The following FGF12 variants were observed in gnomAD, a reference collection of about 807,000 sequenced individuals.
FGF12 encodes fibroblast growth factor 12B.
Under a neutral mutation model 23.6 loss-of-function variants are expected in FGF12, and 14 were observed. The observed-to-expected ratio is 0.59, with a 90% CI of 0.39 to 0.93. The LOEUF is 0.93. Among genes scored for constraint, FGF12 ranks in the 40% least tolerant of loss-of-function variants. The pLI is 0.00. For synonymous variants in FGF12, 62 were observed against 77.3 expected (o/e 0.80, Z 1.04); for missense variants, 175 against 217.8 (o/e 0.80, Z 1.24).
At chr3:192,484,800 G>A (rs1414656091) in intron 2 of FGF12, among the ~76,000 whole-genome samples, 1 of 152,206 alleles carries the variant, frequency 6.6e-6, no homozygotes, top group Non-Finnish European at 1.5e-5. Flanking sequence ...AGAAAGCCAT[G>A]TGAATGGTGC....
At chr3:192,548,242 A>G (rs1388878480) in intron 2 of FGF12, among the ~76,000 whole-genome samples, 1 of 152,174 alleles carries the variant, frequency 6.6e-6, no homozygotes, top group Non-Finnish European at 1.5e-5. Context: ...ATTGGTGACA[A>G]TAGATAACAT....
At chr3:192,171,366 T>C (rs929007569) in intron 4 of FGF12, among the ~76,000 whole-genome samples, 13 of 150,894 alleles carry the variant, frequency 8.6e-5, no homozygotes, top group Admixed American at 2.0e-4. Flanking sequence ...AACTCCAGCA[T>C]TTGGTAAGTG....
chr3:192,413,760 C>T lies in FGF12; in HGVS notation c.14-53222G>A, dbSNP rs187988876. ...ACAAAGAAGTCTAGCTCTGCTCATA[C>T]ATCATCTTGCTCTGAGATCAGGCCC... On this transcript the variant is annotated intron_variant, in intron 2 of 5. Coordinates refer to ENST00000445105, the MANE Select transcript of FGF12 (RefSeq NM_004113.6). Among the ~76,000 whole-genome samples the T allele has an allele frequency of 1.7e-4, 26 of 152,326 alleles. No individual in the cohort carries two copies. The South Asian group carries it at 2.5e-3, about 15-fold the overall frequency.
intron 2 of FGF12, among the ~76,000 whole-genome samples, chr3:192,649,241 A>G: frequency 6.6e-6 from 1 of 152,136 alleles, no homozygotes; most frequent in African/African-American, 2.4e-5. Context: ...ACAGTAGAGG[A>G]TTGATCGCCA....
At chr3:192,503,025 C>T (rs994805729) in intron 2 of FGF12, among the ~76,000 whole-genome samples, 1 of 152,200 alleles carries the variant, frequency 6.6e-6, no homozygotes, top group Non-Finnish European at 1.5e-5. Context: ...AGGAGAGTGG[C>T]AAAGTTCTTG....
intron 2 of FGF12, among the ~76,000 whole-genome samples, chr3:192,485,893 A>T (rs1723619707): frequency 6.6e-6 from 1 of 152,142 alleles, no homozygotes; most frequent in Non-Finnish European, 1.5e-5. Context: ...CTCTGTATAG[A>T]CTTGTTTATA....
At chr3:192,170,098 A>AT (rs571638195) in intron 5 of FGF12, among the ~76,000 whole-genome samples, 34 of 140,864 alleles carry the variant, frequency 2.4e-4, no homozygotes, top group African/African-American at 5.1e-4. Context: ...ATATTCAGGC[A>AT]TTTTTTTTAA....
intron 2 of FGF12, among the ~76,000 whole-genome samples, chr3:192,543,215 C>T (rs1189189171): frequency 2.0e-5 from 3 of 152,274 alleles, no homozygotes; most frequent in East Asian, 3.9e-4. Flanking sequence ...GGCACCCAAG[C>T]CACAAGACTA....
chr3:192,381,817 G>T (rs916252709), intron 2 of FGF12, among the ~76,000 whole-genome samples: 3 of 152,188 alleles, frequency 2.0e-5, no homozygotes, highest in African/African-American at 7.2e-5. Context: ...AACTGAAAGT[G>T]TGGAGTTCAG....
At chr3:192,356,649 G>A (rs954652121) in intron 3 of FGF12, among the ~76,000 whole-genome samples, 1 of 152,090 alleles carries the variant, frequency 6.6e-6, no homozygotes, top group African/African-American at 2.4e-5. Context: ...CAAAAGAACA[G>A]GTGTCTTTAT....
intron 4 of FGF12, among the ~76,000 whole-genome samples, chr3:192,299,225 C>G (rs1477467058): frequency 6.6e-6 from 1 of 152,112 alleles, no homozygotes; most frequent in Non-Finnish European, 1.5e-5. Context: ...GAGGGAAGGC[C>G]AAGAAGTAGA....
At chr3:192,495,160 C>G (rs1723914344) in intron 2 of FGF12, among the ~76,000 whole-genome samples, 1 of 152,104 alleles carries the variant, frequency 6.6e-6, no homozygotes, top group South Asian at 2.1e-4. Flanking sequence ...CACCTGGCCA[C>G]TAACACATTT....
chr3:192,361,308 C>T (rs1718715489), intron 2 of FGF12, among the ~76,000 whole-genome samples: 1 of 151,980 alleles, frequency 6.6e-6, no homozygotes, highest in African/African-American at 2.4e-5. Context: ...AATTTTTGTG[C>T]ATCAGCTAAT....
chr3:192,495,524 C>G (rs549837597), intron 2 of FGF12, among the ~76,000 whole-genome samples: 49 of 152,242 alleles, frequency 3.2e-4, no homozygotes, highest in African/African-American at 1.2e-3. Flanking sequence ...CCTACTTGAT[C>G]TTTACAGAAC....
chr3:192,378,026 TTTTCTTTC>T (rs202170804), intron 2 of FGF12, among the ~76,000 whole-genome samples: 2,993 of 69,214 alleles, frequency 0.043, 145 homozygotes, highest in Admixed American at 0.062. Flanking sequence ...TGACTCTTTC[TTTTCTTTC>T]TTTCTTTCTT....
intron 2 of FGF12, among the ~76,000 whole-genome samples, chr3:192,380,269 A>T (rs1170045881): frequency 6.6e-6 from 1 of 152,156 alleles, no homozygotes; most frequent in Admixed American, 6.5e-5. Flanking sequence ...AGCATATTTC[A>T]TCTGTTTGCT....
At chr3:192,411,199 A>G (rs898273657) in intron 2 of FGF12, among the ~76,000 whole-genome samples, 1 of 152,190 alleles carries the variant, frequency 6.6e-6, no homozygotes, top group Non-Finnish European at 1.5e-5. Context: ...CACTTGGGCA[A>G]TAAGAAGGAT....
intron 2 of FGF12, among the ~76,000 whole-genome samples, chr3:192,717,292 A>G (rs1453904675): frequency 1.3e-5 from 2 of 152,166 alleles, no homozygotes; most frequent in Admixed American, 6.5e-5. Flanking sequence ...TGGGCAAATT[A>G]CTTAACATCT....
chr3:192,157,566 G>A (rs74718044), intron 5 of FGF12, among the ~76,000 whole-genome samples: 6,263 of 152,114 alleles, frequency 0.041, 211 homozygotes, highest in South Asian at 0.071. Context: ...TGCCTGTGTT[G>A]CAAATGCAGT....
Sources: gnomAD v4.1 joint callset for allele counts (sites outside exome capture counted in the v4.1 genomes callset) on GRCh38, gnomAD v4.1.1 for gene constraint, MANE v1.5 for transcripts, NCBI Gene and HGNC (gene_info 2026-07-23, HGNC 2026-07-21) for gene names.